SPATS2: variants seen among roughly 807,000 people sequenced by gnomAD.
The protein encoded by SPATS2 is spermatogenesis-associated serine-rich protein 2.
Under a neutral mutation model 63.7 loss-of-function variants are expected in SPATS2, and 38 were observed. That is an observed-to-expected ratio of 0.60 (90% CI 0.46 to 0.78). The LOEUF is 0.78. Among genes scored for constraint, SPATS2 ranks in the 30% least tolerant of loss-of-function variants. The pLI, the probability that SPATS2 is intolerant of heterozygous loss-of-function variation, is 0.00. For synonymous variants in SPATS2, 207 were observed against 232.9 expected, an observed-to-expected ratio of 0.89 and a Z score of 1.01; for missense variants, 588 against 666.2, an observed-to-expected ratio of 0.88 and a Z score of 1.29.
chr12:49,444,390 AT>A (rs1269406382), intron 2 of SPATS2, among the ~76,000 whole-genome samples: 1 of 150,040 alleles, frequency 6.7e-6, no homozygotes, highest in Non-Finnish European at 1.5e-5. Context: ...GCTAATTTAA[AT>A]TTTTTTTTGT....
intron 4 of SPATS2, among the ~76,000 whole-genome samples, chr12:49,487,159 C>T (rs1266977050): frequency 6.6e-6 from 1 of 152,060 alleles, no homozygotes; most frequent in East Asian, 1.9e-4. Flanking sequence ...TTAAATGTAT[C>T]TCTCTAAACC....
chr12:49,377,202 A>G (rs1008086806), intron 2 of SPATS2, among the ~76,000 whole-genome samples: 1 of 152,192 alleles, frequency 6.6e-6, no homozygotes, highest in Non-Finnish European at 1.5e-5. Flanking sequence ...GTTGTATTGT[A>G]TCTAGGAATT....
chr12:49,369,067 G>A (rs1943954360), intron 1 of SPATS2, among the ~76,000 whole-genome samples: 1 of 109,264 alleles, frequency 9.2e-6, no homozygotes, highest in Admixed American at 1.4e-4. Flanking sequence ...ATGGAGTCTT[G>A]CTCTGTTGCC....
At chr12:49,404,429 G>C (rs1283869856) in intron 2 of SPATS2, among the ~76,000 whole-genome samples, 1 of 151,946 alleles carries the variant, frequency 6.6e-6, no homozygotes, top group African/African-American at 2.4e-5. Context: ...TGGGACCACA[G>C]GTGCATGCCA....
Position 49,519,450 on chromosome 12 carries a change from C to T in SPATS2, c.1008+268C>T, listed in dbSNP as rs1425315502. Among the ~76,000 whole-genome samples the T allele has an allele frequency of 2.0e-5, 3 of 152,120 alleles. No individual in the cohort carries two copies. In the East Asian group the frequency reaches 5.8e-4, roughly 29 times the overall value. On this transcript the variant is annotated intron_variant, in intron 11 of 13. Transcript: ENST00000552918. ...CTAAATCTCAGATCTGACCTTATCTCTTCATCTCCACCACCACCATTATGA... is the reference window on the plus strand; with the variant it reads ...CTAAATCTCAGATCTGACCTTATCTTTTCATCTCCACCACCACCATTATGA...
intron 10 of SPATS2, among the ~76,000 whole-genome samples, chr12:49,518,721 A>G (rs940950193): frequency 1.3e-5 from 2 of 152,234 alleles, no homozygotes; most frequent in African/African-American, 4.8e-5. Flanking sequence ...AAAATCAGAA[A>G]TAAGAGAGAT....
rs1555191172 is a variant in SPATS2 at position 49,498,145 on chromosome 12, A to AATAT, written c.703+1157_703+1160dup. 9.5e-3 allele frequency among the ~76,000 whole-genome samples: 937 copies of AATAT among 98,898 alleles called. 25 individuals carry two copies. Among genetic ancestry groups the AATAT allele is most frequent in the African/African-American group, 0.033 (672 of 20,328 alleles). The allele number at this position is 98,898 out of a possible 152,430, so 64.9% of individuals were successfully genotyped here. The stretch of plus-strand genomic sequence containing the variant: ...ATCCAATCAAGCCAAAAAAAAAAAA[A>AATAT]ATATATATATATATATATATATATG... On this transcript the variant is annotated intron_variant, in intron 8 of 13. Coordinates refer to ENST00000552918, the MANE Select transcript of SPATS2 (RefSeq NM_023071.4).
chr12:49,445,987 C>T (rs1303446658), intron 2 of SPATS2, among the ~76,000 whole-genome samples: 3 of 152,130 alleles, frequency 2.0e-5, no homozygotes, highest in African/African-American at 7.2e-5. Flanking sequence ...CCACTGCAAC[C>T]TCTGCCTCCT....
chr12:49,464,127 T>C (rs1268257172), intron 3 of SPATS2, among the ~76,000 whole-genome samples: 1 of 152,212 alleles, frequency 6.6e-6, no homozygotes, highest in African/African-American at 2.4e-5. Context: ...ATAATTTAAA[T>C]ACCTTAAAAT....
Position 49,519,123 on chromosome 12 carries a change from A to G in SPATS2, c.949A>G (p.Thr317Ala). The G allele has an allele frequency of 6.2e-7, 1 of 1,614,054 alleles. No homozygotes were observed. Among genetic ancestry groups the G allele is most frequent in the Non-Finnish European group, 8.5e-7 (1 of 1,179,980 alleles). The change falls in exon 11 of 14, where the codon ACT becomes GCT. Residue 317 changes from threonine to alanine, a missense_variant. Physicochemically the swap from Thr to Ala is moderately conservative, Grantham distance 58 (BLOSUM62 0). Coordinates refer to ENST00000552918, the MANE Select transcript of SPATS2 (RefSeq NM_023071.4). The part of the protein sequence containing the change: ...QKKAELLKKM[T>A]HVAVQMSEQQ... ...GAAGGCTGAACTTCTAAAGAAGATG[A>G]CTCATGTGGCTGTTCAAATGTCAGA...
intron 2 of SPATS2, among the ~76,000 whole-genome samples, chr12:49,430,898 C>T (rs1320554521): frequency 6.6e-6 from 1 of 152,024 alleles, no homozygotes; most frequent in African/African-American, 2.4e-5. Context: ...TGGAGTTTCA[C>T]CATGTTGGCC....
intron 2 of SPATS2, among the ~76,000 whole-genome samples, chr12:49,417,133 G>A (rs1051950458): frequency 1.1e-4 from 16 of 152,170 alleles, no homozygotes; most frequent in African/African-American, 3.9e-4. Context: ...ACTTTGGACT[G>A]ACATTTGATT....
chr12:49,505,547 A>G lies in SPATS2; in HGVS notation c.839+5342A>G, dbSNP rs541577036. Among the ~76,000 whole-genome samples, 20 of 152,308 alleles carry G rather than the reference A, an allele frequency of 1.3e-4. No individual in the cohort carries two copies. The South Asian group carries it at 1.7e-3, about 13-fold the overall frequency. ...AAAATTCAAAATCCAAACTGCTCCAATGAGTATTTTCTTTCAGTGTCATGT... is the reference window on the plus strand; with the variant it reads ...AAAATTCAAAATCCAAACTGCTCCAGTGAGTATTTTCTTTCAGTGTCATGT... On this transcript the variant is annotated intron_variant, in intron 9 of 13. Transcript: ENST00000552918.
chr12:49,438,193 A>G (rs912173805), intron 2 of SPATS2, among the ~76,000 whole-genome samples: 2 of 152,174 alleles, frequency 1.3e-5, no homozygotes, highest in Non-Finnish European at 2.9e-5. Flanking sequence ...TGTACTTGAT[A>G]TAAACAGAAT....
chr12:49,463,649 C>G (rs1945860873), intron 3 of SPATS2: 1 of 152,006 alleles, frequency 6.6e-6, no homozygotes, highest in Non-Finnish European at 1.5e-5. Flanking sequence ...AGTGTCATTG[C>G]TTTGGGTTTT....
intron 3 of SPATS2, among the ~76,000 whole-genome samples, chr12:49,463,862 A>G (rs900936327): frequency 4.6e-5 from 7 of 152,212 alleles, no homozygotes; most frequent in Admixed American, 4.6e-4. Flanking sequence ...ATTTAATGAA[A>G]TACTTAGTGG....
chr12:49,498,145 A>ATATATATATATATAT (rs1555191173), intron 8 of SPATS2, among the ~76,000 whole-genome samples: 13 of 98,960 alleles, frequency 1.3e-4, no homozygotes, highest in African/African-American at 5.9e-4. Flanking sequence ...AAAAAAAAAA[A>ATATATATATATATAT]ATATATATAT....
intron 2 of SPATS2, among the ~76,000 whole-genome samples, chr12:49,434,087 A>T (rs1273150309): frequency 6.6e-6 from 1 of 152,106 alleles, no homozygotes; most frequent in East Asian, 1.9e-4. Flanking sequence ...TCTTTTGACC[A>T]TATATGTGAG....
chr12:49,437,223 C>T (rs1945325773), intron 2 of SPATS2, among the ~76,000 whole-genome samples: 2 of 151,724 alleles, frequency 1.3e-5, no homozygotes, highest in South Asian at 2.1e-4. Flanking sequence ...CTCCTCACAT[C>T]CCAGACGGGG....
Sources: allele counts gnomAD v4.1 joint callset (sites outside exome capture counted in the v4.1 genomes callset), GRCh38; gene constraint gnomAD v4.1.1; transcripts MANE v1.5; gene names NCBI Gene and HGNC (gene_info 2026-07-23, HGNC 2026-07-21).